The following EXOC6B variants were observed in gnomAD, a reference collection of about 807,000 sequenced individuals.
EXOC6B encodes exocyst complex component 6B.
Under a neutral mutation model 113.5 loss-of-function variants are expected in EXOC6B, and 54 were observed. The observed-to-expected ratio is 0.48, with a 90% CI of 0.38 to 0.60. The LOEUF is 0.60. EXOC6B is among the 20% of genes least tolerant of loss of function. EXOC6B has a pLI of 0.00. For missense variants in EXOC6B, 797 were observed against 977.5 expected (o/e 0.82, Z 2.46); for synonymous variants, 357 against 339.0 (o/e 1.05, Z -0.58).
chr2:72,530,708 C>T (rs905272618), intron 8 of EXOC6B, among the ~76,000 whole-genome samples: 13 of 151,972 alleles, frequency 8.6e-5, no homozygotes, highest in African/African-American at 3.1e-4. Context: ...ATCCATTTAC[C>T]CTTTCCGTTT....
At chr2:72,547,064 T>C (rs1702950973) in intron 8 of EXOC6B, among the ~76,000 whole-genome samples, 2 of 152,244 alleles carry the variant, frequency 1.3e-5, no homozygotes, top group South Asian at 2.1e-4. Flanking sequence ...CATGCACATA[T>C]GTGCATTTTG....
In EXOC6B at chr2:72,769,764, A is replaced by T. The variant is rs192785095; in HGVS notation, c.114-28295T>A. Among the ~76,000 whole-genome samples the T allele has an allele frequency of 7.0e-4, 106 of 152,336 alleles. 1 individual carries two copies. The East Asian group carries it at 0.015, about 21-fold the overall frequency. ...GAGGTGGAGGTTGCAGTGAGCCGAG[A>T]TCGTGCCACTGCACTCCAGCCTGGG... is the stretch of plus-strand genomic sequence containing the variant. On this transcript the variant is annotated intron_variant, in intron 1 of 21. Transcript: ENST00000272427.
At chr2:72,578,246 A>G (rs1650030349) in intron 6 of EXOC6B, among the ~76,000 whole-genome samples, 1 of 152,070 alleles carries the variant, frequency 6.6e-6, no homozygotes, top group Admixed American at 6.5e-5. Context: ...TTTGTTCATC[A>G]TGTCAATTAG....
chr2:72,286,747 G>T (rs2104693260), intron 20 of EXOC6B, among the ~76,000 whole-genome samples: 1 of 152,234 alleles, frequency 6.6e-6, no homozygotes, highest in Admixed American at 6.5e-5. Flanking sequence ...GAGGGGGCAA[G>T]AAGTACCTAG....
chr2:72,730,982 C>T, intron 5 of EXOC6B, 25 bp downstream of exon 5: 2 of 1,501,256 alleles, frequency 1.3e-6, no homozygotes, highest in Non-Finnish European at 1.8e-6. Flanking sequence ...ATAGTAAAAA[C>T]TGTTCGATTA....
At chr2:72,432,211 T>C (rs1695580025) in intron 18 of EXOC6B, among the ~76,000 whole-genome samples, 1 of 152,016 alleles carries the variant, frequency 6.6e-6, no homozygotes, top group Non-Finnish European at 1.5e-5. Context: ...TAATTTTTTG[T>C]ATTTAGTAGA....
At chr2:72,684,062 G>T (rs1288475924) in intron 6 of EXOC6B, among the ~76,000 whole-genome samples, 2 of 152,242 alleles carry the variant, frequency 1.3e-5, no homozygotes, top group East Asian at 3.9e-4. Flanking sequence ...CTCCCAAGTA[G>T]CTGGGATTAC....
At chr2:72,591,283 T>C (rs936580980) in intron 6 of EXOC6B, among the ~76,000 whole-genome samples, 1 of 152,136 alleles carries the variant, frequency 6.6e-6, no homozygotes, top group Non-Finnish European at 1.5e-5. Flanking sequence ...TGTTCTGTGA[T>C]TGTCACTGGA....
At chr2:72,709,996 CAG>C (rs1468243571) in intron 6 of EXOC6B, among the ~76,000 whole-genome samples, 1 of 152,172 alleles carries the variant, frequency 6.6e-6, no homozygotes, top group African/African-American at 2.4e-5. Context: ...AAAATACTCA[CAG>C]AGAGATGTAG....
chr2:72,685,886 T>C (rs1677053045), intron 6 of EXOC6B, among the ~76,000 whole-genome samples: 1 of 152,220 alleles, frequency 6.6e-6, no homozygotes, highest in Non-Finnish European at 1.5e-5. Context: ...AACAAGAATT[T>C]GGCTTAAGAA....
chr2:72,604,471 G>A (rs1670626628), intron 6 of EXOC6B, among the ~76,000 whole-genome samples: 1 of 152,008 alleles, frequency 6.6e-6, no homozygotes, highest in Middle Eastern at 3.2e-3. Context: ...CAGAAAATCT[G>A]GATTATTTTA....
At chr2:72,797,020 G>A (rs186445728) in intron 1 of EXOC6B, among the ~76,000 whole-genome samples, 13 of 152,356 alleles carry the variant, frequency 8.5e-5, no homozygotes, top group Non-Finnish European at 1.6e-4. Flanking sequence ...GAGGCACAGA[G>A]TAAATTAAGC....
chr2:72,293,679 C>A (rs1685948065), intron 20 of EXOC6B, among the ~76,000 whole-genome samples: 1 of 152,112 alleles, frequency 6.6e-6, no homozygotes, highest in Non-Finnish European at 1.5e-5. Context: ...TATGGTGTGA[C>A]TTATGGGCCA....
chr2:72,796,902 G>A (rs901645264), intron 1 of EXOC6B, among the ~76,000 whole-genome samples: 2 of 152,090 alleles, frequency 1.3e-5, no homozygotes, highest in Non-Finnish European at 2.9e-5. Flanking sequence ...AAAGAGGAGG[G>A]GATAATTTAT....
At position 72,726,984 on chromosome 2, in the gene EXOC6B, C is replaced by T. The variant is rs114543059; in HGVS notation, c.464+4023G>A. On this transcript the variant is annotated intron_variant, in intron 5 of 21. Transcript: ENST00000272427. Reference sequence around the variant, plus strand: ...TAATCTAGAGATGACTGAAAGTTTTCGGAGGATGTGTATAGGTTGTACGCA... The same window carrying T: ...TAATCTAGAGATGACTGAAAGTTTTTGGAGGATGTGTATAGGTTGTACGCA... Among the ~76,000 whole-genome samples the T allele has an allele frequency of 4.9e-3, 751 of 152,146 alleles. 7 individuals are homozygous for T. The highest frequency in any genetic ancestry group is 0.017 in the African/African-American group (696 of 41,514).
chr2:72,427,846 T>C (rs1220198732), intron 18 of EXOC6B, among the ~76,000 whole-genome samples: 1 of 152,160 alleles, frequency 6.6e-6, no homozygotes, highest in Non-Finnish European at 1.5e-5. Context: ...GTCCTGCCCA[T>C]GGCCACCCAT....
intron 13 of EXOC6B, among the ~76,000 whole-genome samples, chr2:72,496,839 A>C (rs1700061742): frequency 6.6e-6 from 1 of 151,922 alleles, no homozygotes; most frequent in Admixed American, 6.6e-5. Context: ...TGAGATTTAC[A>C]AATAGGACAG....
In EXOC6B at chr2:72,542,866, A is replaced by G. The variant is rs552927262; in HGVS notation, c.915+16587T>C. ...AAACCTCTGAAATTTTGAAAATTTA[A>G]AAATGAACAAACAAATCTGGCAGTT... On this transcript the variant is annotated intron_variant, in intron 8 of 21. Coordinates refer to ENST00000272427, the MANE Select transcript of EXOC6B (RefSeq NM_015189.3). Among the ~76,000 whole-genome samples the G allele has an allele frequency of 3.9e-5, 6 of 152,324 alleles. 1 individual carries two copies. The East Asian group carries it at 1.2e-3, about 29-fold the overall frequency.
intron 20 of EXOC6B, among the ~76,000 whole-genome samples, chr2:72,233,272 ATG>A (rs968031219): frequency 6.6e-6 from 1 of 152,078 alleles, no homozygotes; most frequent in Non-Finnish European, 1.5e-5. Context: ...TCAGTGCACC[ATG>A]TGATGGAGAG....
Sources: gnomAD v4.1 joint callset for allele counts (sites outside exome capture counted in the v4.1 genomes callset) on GRCh38, gnomAD v4.1.1 for gene constraint, MANE v1.5 for transcripts, NCBI Gene and HGNC (gene_info 2026-07-23, HGNC 2026-07-21) for gene names.